Variants in PIKFYVE observed in about 807,000 individuals in gnomAD.
The protein encoded by PIKFYVE is 1-phosphatidylinositol 3-phosphate 5-kinase.
In PIKFYVE, 122 loss-of-function variants were observed where a neutral mutation model predicts 257.9. That is an observed-to-expected ratio of 0.47 (90% CI 0.41 to 0.55). The LOEUF is 0.55. Ranked by LOEUF, PIKFYVE falls within the 20% of genes least tolerant of loss-of-function variation. The pLI, the probability that PIKFYVE is intolerant of heterozygous loss-of-function variation, is 0.00. For missense variants in PIKFYVE, 2,160 were observed against 2,536.6 expected (o/e 0.85, Z 3.19); for synonymous variants, 892 against 868.9 (o/e 1.03, Z -0.47).
rs11471825 is a variant in PIKFYVE at position 208,322,374 on chromosome 2, TAAAAAAAAA to T, written c.2191-1752_2191-1744del. Among the ~76,000 whole-genome samples the T allele has an allele frequency of 1.4e-4, 14 of 97,808 alleles. 1 individual carries two copies. The highest frequency in any genetic ancestry group is 3.8e-4 in the Admixed American group (3 of 7,880). 64.2% of individuals were successfully genotyped at this position (97,808 alleles called of 152,430 possible). A position where few individuals can be genotyped will look rare whatever the true frequency, so the allele number is the denominator to read the frequency against. ...GGTAACAGAATGAGACCCTGTCTCT[TAAAAAAAAA>T]AAAAAAAAAAAAAAACTTAGAAATT... is the stretch of plus-strand genomic sequence containing the variant. On this transcript the variant is annotated intron_variant, in intron 17 of 41. Coordinates refer to ENST00000264380, the MANE Select transcript of PIKFYVE (RefSeq NM_015040.4).
At chr2:208,305,238 T>C in intron 12 of PIKFYVE, 1 of 1,420,302 alleles carries the variant, frequency 7.0e-7, no homozygotes, top group Non-Finnish European at 9.2e-7. Context: ...ATGCCCAGTG[T>C]AAAGCTTGTA....
At chr2:208,351,229 G>T in intron 37 of PIKFYVE, 123 bp from the exon 38 acceptor site, 1 of 933,612 alleles carries the variant, frequency 1.1e-6, no homozygotes, top group South Asian at 1.4e-5. Flanking sequence ...TTTTCACTGT[G>T]ACATTAGAAA....
At chr2:208,276,472 G>A (rs1450004425) in intron 3 of PIKFYVE, among the ~76,000 whole-genome samples, 1 of 152,182 alleles carries the variant, frequency 6.6e-6, no homozygotes, top group Non-Finnish European at 1.5e-5. Context: ...AATGGTCTCA[G>A]ACAATGCTTG....
At chr2:208,279,079 T>G (rs1046017886) in intron 5 of PIKFYVE, among the ~76,000 whole-genome samples, 5 of 152,190 alleles carry the variant, frequency 3.3e-5, no homozygotes, top group African/African-American at 1.2e-4. Context: ...GTTTTTTGGC[T>G]TTTTAATAAC....
chr2:208,315,095 A>G lies in PIKFYVE; in HGVS notation c.1827-98A>G. 3.6e-6 allele frequency: 4 copies of G among 1,099,482 alleles called. No homozygotes were observed. The South Asian group carries it at 5.3e-5, about 15-fold the overall frequency. 68.1% of individuals were successfully genotyped at this position (1,099,482 alleles called of 1,614,324 possible). On this transcript the variant is annotated intron_variant, in intron 14 of 41. Transcript: ENST00000264380. ...AAATCTTATCTGTGAGCCGTAATTG[A>G]AATGTTTATTTCTTTGTAGGCTGTT...
rs940223905 is a variant in PIKFYVE, at chr2:208,316,205, T to G, written c.2007+832T>G. 2.6e-5 allele frequency among the ~76,000 whole-genome samples: 4 copies of G among 152,192 alleles called. No homozygotes were observed. The East Asian group carries it at 7.7e-4, about 29-fold the overall frequency. The stretch of plus-strand genomic sequence containing the variant: ...CCACGTCCCTACAAAGGACATGAAC[T>G]CACCCTTTTTTATGGTTGCATAGCA... On this transcript the variant is annotated intron_variant, in intron 15 of 41. Transcript: ENST00000264380.
chr2:208,285,669 G>A, intron 5 of PIKFYVE, 57 bp from the exon 6 acceptor site: 1 of 1,461,156 alleles, frequency 6.8e-7, no homozygotes. Context: ...TAAGCAATAT[G>A]TTACTGCTAT....
At chr2:208,300,544 C>T (rs1487417556) in intron 8 of PIKFYVE, among the ~76,000 whole-genome samples, 1 of 152,200 alleles carries the variant, frequency 6.6e-6, no homozygotes, top group Admixed American at 6.5e-5. Flanking sequence ...AAAAACTCAT[C>T]TGTCAGTTGG....
At chr2:208,343,470 C>T (rs1698914419) in intron 32 of PIKFYVE, among the ~76,000 whole-genome samples, 1 of 152,152 alleles carries the variant, frequency 6.6e-6, no homozygotes, top group African/African-American at 2.4e-5. Flanking sequence ...CCTATAAATG[C>T]TATGTTTTTT....
rs1559180752 is a variant in PIKFYVE, at chr2:208,352,781, A to G, written c.5843A>G (p.Gln1948Arg). The G allele has an allele frequency of 3.7e-6, 6 of 1,612,676 alleles. No individual in the cohort carries two copies. The highest frequency in any genetic ancestry group is 1.7e-5 in the Admixed American group (1 of 59,982). ...CTTTTCTACGGGAGAAAGATGGCAC[A>G]GGTAAGGGTATTGGACTATGTGAAG... ...ENLFYGRKMAQVFDLKGSLRN... is the reference protein window; with the variant it reads ...ENLFYGRKMARVFDLKGSLRN... The change falls in exon 39 of 42, where the codon CAG (glutamine) becomes CGG (arginine). Residue 1948 changes from glutamine to arginine, a missense_variant and splice_region_variant. Around this residue, in one of 12 missense-constraint regions of PIKFYVE, gnomAD observed 699 missense variants for 855.8 expected, o/e 0.82. Coordinates refer to ENST00000264380, the MANE Select transcript of PIKFYVE (RefSeq NM_015040.4).
chr2:208,316,058 A>G lies in PIKFYVE; in HGVS notation c.2007+685A>G, dbSNP rs1302811141. 3.5e-5 allele frequency among the ~76,000 whole-genome samples: 4 copies of G among 114,384 alleles called. No homozygotes were observed. The East Asian group carries it at 8.1e-4, about 23-fold the overall frequency. 75.0% of individuals were successfully genotyped at this position (114,384 alleles called of 152,430 possible). A position where few individuals can be genotyped will look rare whatever the true frequency, so the allele number is the denominator to read the frequency against. On this transcript the variant is annotated intron_variant, in intron 15 of 41. Transcript: ENST00000264380. ...ACCCCACAACAGTCCCCAGAGTGTG[A>G]TGTTCCCCTTCCTGTGTCCATGTGT...
chr2:208,351,070 G>A (rs1228586533), intron 37 of PIKFYVE, 123 bp downstream of exon 37: 1 of 1,308,298 alleles, frequency 7.6e-7, no homozygotes, highest in African/African-American at 1.5e-5. Flanking sequence ...AGTTTTAACA[G>A]AGGTGTTTAT....
intron 33 of PIKFYVE, 111 bp downstream of exon 33, chr2:208,345,305 C>A: frequency 5.6e-6 from 5 of 900,402 alleles, no homozygotes; most frequent in Non-Finnish European, 8.8e-6. Context: ...TTCTAGGATT[C>A]AGATAGTGGC....
In PIKFYVE at chr2:208,335,826, A is replaced by G; in HGVS notation, c.4290A>G (p.Arg1430=). 6.2e-7 allele frequency: 1 copy of G among 1,613,172 alleles called. No homozygotes were observed. Among genetic ancestry groups the G allele is most frequent in the Admixed American group, 1.7e-5 (1 of 60,010 alleles). The stretch of plus-strand genomic sequence containing the variant: ...AGGTATATGTTGCCATTGATGAAAG[A>G]CTTGCATCTTTGAAAACTGATACAT... ...VSQVYVAIDE[R]LASLKTDTFS... Residue 1430 remains arginine (R), a synonymous_variant, in exon 26 of 42, where the codon AGA becomes AGG. Coordinates refer to ENST00000264380, the MANE Select transcript of PIKFYVE (RefSeq NM_015040.4).
chr2:208,274,305 G>T (rs1341472751), intron 3 of PIKFYVE, among the ~76,000 whole-genome samples: 1 of 152,190 alleles, frequency 6.6e-6, no homozygotes, highest in Non-Finnish European at 1.5e-5. Flanking sequence ...TGATGAGTAT[G>T]GGCTGGGGAT....
intron 12 of PIKFYVE, among the ~76,000 whole-genome samples, chr2:208,308,860 A>G (rs978422344): frequency 1.3e-5 from 2 of 152,142 alleles, no homozygotes; most frequent in East Asian, 3.9e-4. Context: ...GGCTCCTGCC[A>G]CCATGCCCGG....
At chr2:208,337,244 G>T (rs954745409) in intron 28 of PIKFYVE, among the ~76,000 whole-genome samples, 2 of 152,066 alleles carry the variant, frequency 1.3e-5, no homozygotes, top group Non-Finnish European at 2.9e-5. Context: ...GTATAATAGG[G>T]TGCTCATTTA....
At chr2:208,317,976 A>G in intron 16 of PIKFYVE, 35 bp downstream of exon 16, 2 of 1,551,462 alleles carry the variant, frequency 1.3e-6, no homozygotes, top group Non-Finnish European at 1.8e-6. Context: ...AAGTTCAGCA[A>G]ACCATGGCTG....
intron 15 of PIKFYVE, among the ~76,000 whole-genome samples, chr2:208,317,425 A>G (rs1480133918): frequency 2.5e-5 from 1 of 39,554 alleles, no homozygotes; most frequent in Non-Finnish European, 6.8e-5. Context: ...CAAAACCACA[A>G]TGCGATTTTT....
Sources: allele counts gnomAD v4.1 joint callset (sites outside exome capture counted in the v4.1 genomes callset), GRCh38; gene constraint gnomAD v4.1.1; regional missense constraint gnomAD v4.1.1; transcripts MANE v1.5; gene names NCBI Gene and HGNC (gene_info 2026-07-23, HGNC 2026-07-21).